MUC13: variants seen among roughly 807,000 people sequenced by gnomAD.
MUC13 encodes mucin-13.
Under a neutral mutation model 48.3 loss-of-function variants are expected in MUC13, and 32 were observed. That is an observed-to-expected ratio of 0.66 (90% CI 0.50 to 0.89). The LOEUF (loss-of-function observed/expected upper bound fraction) is 0.89. Ranked by LOEUF, MUC13 falls within the 40% of genes least tolerant of loss-of-function variation. The pLI is 0.00. For missense variants in MUC13, 571 were observed against 622.8 expected, an observed-to-expected ratio of 0.92 and a Z score of 0.88; for synonymous variants, 199 against 224.9, an observed-to-expected ratio of 0.88 and a Z score of 1.03.
intron 1 of MUC13, among the ~76,000 whole-genome samples, chr3:124,930,108 C>A (rs1305366048): frequency 6.6e-6 from 1 of 152,210 alleles, no homozygotes; most frequent in Non-Finnish European, 1.5e-5. Context: ...TGGGAATATT[C>A]ATTCTCGGCC....
intron 3 of MUC13, among the ~76,000 whole-genome samples, 171 bp downstream of exon 3, chr3:124,923,356 C>T (rs1301025204): frequency 6.6e-6 from 1 of 152,196 alleles, no homozygotes; most frequent in East Asian, 1.9e-4. Context: ...CTTGTTCTGC[C>T]TCAGTGTCCC....
chr3:124,909,059 C>T (rs1163473790), intron 10 of MUC13, among the ~76,000 whole-genome samples: 7 of 151,992 alleles, frequency 4.6e-5, no homozygotes, highest in Non-Finnish European at 8.8e-5. Flanking sequence ...GAGGCCGAGG[C>T]GGGAGAATCG....
intron 2 of MUC13, among the ~76,000 whole-genome samples, chr3:124,925,834 T>TG (rs1935676795): frequency 6.6e-6 from 1 of 152,152 alleles, no homozygotes; most frequent in African/African-American, 2.4e-5. Flanking sequence ...AGGCTGGTCT[T>TG]GAACTCCTCA....
chr3:124,920,464 A>G, intron 4 of MUC13, among the ~76,000 whole-genome samples, 175 bp from the exon 5 acceptor site: 1 of 152,196 alleles, frequency 6.6e-6, no homozygotes, highest in Non-Finnish European at 1.5e-5. Flanking sequence ...GCCCCCACAA[A>G]GGCTGCTAAG....
intron 10 of MUC13, 129 bp downstream of exon 10, chr3:124,910,286 C>A (rs1014383299): frequency 6.2e-6 from 8 of 1,299,148 alleles, no homozygotes; most frequent in South Asian, 4.5e-5. Context: ...GTAATCCCAG[C>A]ACTTTGGGAG....
chr3:124,915,972 C>G (rs578230728), intron 6 of MUC13, among the ~76,000 whole-genome samples: 2 of 152,334 alleles, frequency 1.3e-5, no homozygotes, highest in South Asian at 4.1e-4. Flanking sequence ...GCCACCACAC[C>G]CAGCCACAGG....
intron 1 of MUC13, among the ~76,000 whole-genome samples, chr3:124,932,088 G>C (rs888512620): frequency 2.0e-5 from 3 of 151,848 alleles, no homozygotes; most frequent in African/African-American, 4.8e-5. Flanking sequence ...TTTTTCAAAA[G>C]CAAACCTTAG....
At chr3:124,912,869 G>A (rs1242793771) in intron 8 of MUC13, among the ~76,000 whole-genome samples, 1 of 150,440 alleles carries the variant, frequency 6.6e-6, no homozygotes, top group African/African-American at 2.5e-5. Context: ...CTGGGGGGTG[G>A]AGGTTGCAGT....
At chr3:124,915,184 C>A (rs1472807190) in intron 6 of MUC13, among the ~76,000 whole-genome samples, 1 of 152,156 alleles carries the variant, frequency 6.6e-6, no homozygotes, top group Non-Finnish European at 1.5e-5. Context: ...CCGGGACTGG[C>A]CCCAGTGGGT....
intron 8 of MUC13, among the ~76,000 whole-genome samples, chr3:124,912,373 C>T (rs79284956): frequency 2.2e-4 from 34 of 152,276 alleles, no homozygotes; most frequent in Non-Finnish European, 3.8e-4. Context: ...GGCTCATTTG[C>T]TACTGACTGA....
At chr3:124,924,039 T>C (rs1425435684) in intron 2 of MUC13, among the ~76,000 whole-genome samples, 1 of 152,096 alleles carries the variant, frequency 6.6e-6, no homozygotes, top group African/African-American at 2.4e-5. Context: ...AGATAAAACA[T>C]CTTATTTTTA....
At chr3:124,930,504 CT>C (rs1436625707) in intron 1 of MUC13, among the ~76,000 whole-genome samples, 2 of 152,098 alleles carry the variant, frequency 1.3e-5, no homozygotes, top group Admixed American at 1.3e-4. Flanking sequence ...GTAAAATAAC[CT>C]ATTTTGTTCA....
At chr3:124,907,655 TATAGAG>T (rs1026550877) in intron 11 of MUC13, among the ~76,000 whole-genome samples, 4 of 79,036 alleles carry the variant, frequency 5.1e-5, no homozygotes, top group African/African-American at 2.3e-4. Context: ...TATATATATA[TATAGAG>T]AGAGAGAGAG....
At chr3:124,923,394 C>G in intron 3 of MUC13, 133 bp downstream of exon 3, 1 of 912,868 alleles carries the variant, frequency 1.1e-6, no homozygotes, top group South Asian at 1.7e-5. Flanking sequence ...CTCTACTTTG[C>G]TGGCCTTTGT....
At chr3:124,919,425 AG>A (rs140272463) in intron 5 of MUC13, among the ~76,000 whole-genome samples, 16,173 of 150,344 alleles carry the variant, frequency 0.11, 1,097 homozygotes, top group South Asian at 0.17. Context: ...CCTGGCCTCA[AG>A]TGATCCTCCC....
At chr3:124,934,033 A>G (rs971365027) in intron 1 of MUC13, among the ~76,000 whole-genome samples, 8 of 152,232 alleles carry the variant, frequency 5.3e-5, no homozygotes, top group African/African-American at 1.9e-4. Context: ...CTCTCTGATT[A>G]TCATGAGAGG....
chr3:124,929,772 G>A (rs1420965711), intron 1 of MUC13, among the ~76,000 whole-genome samples: 1 of 152,210 alleles, frequency 6.6e-6, no homozygotes, highest in Non-Finnish European at 1.5e-5. Context: ...AAGGGTTAAG[G>A]AATTTGCCCA....
rs1382322427 is a variant in MUC13, at chr3:124,913,706, A to G, written c.965-25T>C. 5.0e-6 allele frequency: 8 copies of G among 1,613,734 alleles called. No individual in the cohort carries two copies. In the African/African-American group the frequency reaches 9.3e-5, roughly 19 times the overall value. On this transcript the variant is annotated intron_variant, in intron 6 of 11. Transcript: ENST00000616727. ...ACTGAGAAGCACAAATAGTTTAAAA[A>G]TATATTCAGCATGACAATATGGATA...
Position 124,934,643 on chromosome 3 carries a change from T to C in MUC13, c.52+18A>G. On this transcript the variant is annotated intron_variant, in intron 1 of 11. Coordinates refer to ENST00000616727, the MANE Select transcript of MUC13 (RefSeq NM_033049.4). ...ACATACATGATTGGAAGAATTAAAA[T>C]GTAAAAATATTCCTTACCTGTGTTT... 6.4e-7 allele frequency: 1 copy of C among 1,569,916 alleles called. No homozygotes were observed. Among genetic ancestry groups the C allele is most frequent in the Non-Finnish European group, 8.8e-7 (1 of 1,140,432 alleles).
Sources: allele counts gnomAD v4.1 joint callset (sites outside exome capture counted in the v4.1 genomes callset), GRCh38; gene constraint gnomAD v4.1.1; transcripts MANE v1.5; gene names NCBI Gene and HGNC (gene_info 2026-07-23, HGNC 2026-07-21).